SUMF1: variants seen among roughly 807,000 people sequenced by gnomAD.
SUMF1 encodes the protein sulfatase modifying factor 1.
In SUMF1, 48 loss-of-function variants were observed where a neutral mutation model predicts 47.6. The observed-to-expected ratio is 1.01, with a 90% CI of 0.80 to 1.28. SUMF1 has a LOEUF of 1.28. SUMF1 is among the 50% of genes most tolerant of loss of function. The pLI, the probability that SUMF1 is intolerant of heterozygous loss-of-function variation, is 0.00. For missense variants in SUMF1, 571 were observed against 485.4 expected (o/e 1.18, Z -1.66); for synonymous variants, 230 against 192.1 (o/e 1.20, Z -1.63).
chr3:4,237,835 G>A (rs1378681242), intron 8 of SUMF1, among the ~76,000 whole-genome samples: 1 of 152,108 alleles, frequency 6.6e-6, no homozygotes, highest in Non-Finnish European at 1.5e-5. Flanking sequence ...GAAAGTGCAT[G>A]TTTGTTACAT....
intron 7 of SUMF1, among the ~76,000 whole-genome samples, chr3:4,398,241 G>A (rs1403768542): frequency 6.6e-6 from 1 of 152,106 alleles, no homozygotes; most frequent in Non-Finnish European, 1.5e-5. Flanking sequence ...TAAGAAAAGA[G>A]GATTGTGTCT....
At chr3:4,130,675 G>T (rs539719719) in intron 8 of SUMF1, among the ~76,000 whole-genome samples, 1 of 152,200 alleles carries the variant, frequency 6.6e-6, no homozygotes, top group Middle Eastern at 3.4e-3. Context: ...ATCCCCTCTA[G>T]GATGAAGGAT....
Position 4,346,957 on chromosome 3 carries a change from C to T in SUMF1, c.1014+29373G>A, listed in dbSNP as rs149399251. Among the ~76,000 whole-genome samples the T allele has an allele frequency of 3.1e-3, 471 of 152,264 alleles. 3 individuals carry two copies. The highest frequency in any genetic ancestry group is 5.4e-3 in the Non-Finnish European group (368 of 68,020). ...GAAGAAATGGATAAATTCCTGGACA[C>T]ATACACCCAACCAAAACTAAACCAG... On this transcript the variant is annotated intron_variant and NMD_transcript_variant, in intron 8 of 12. Coordinates refer to the SUMF1 transcript ENST00000448413.
intron 8 of SUMF1, among the ~76,000 whole-genome samples, chr3:4,211,311 C>T (rs1574981986): frequency 6.7e-6 from 1 of 148,434 alleles, no homozygotes; most frequent in Non-Finnish European, 1.5e-5. Context: ...TTTCCTGATC[C>T]TCTCCTTCCT....
At chr3:4,069,200 T>C (rs893204407) in intron 8 of SUMF1, among the ~76,000 whole-genome samples, 2 of 152,112 alleles carry the variant, frequency 1.3e-5, no homozygotes, top group African/African-American at 4.8e-5. Flanking sequence ...GTTTATGGCA[T>C]GTAACAGGCA....
chr3:4,079,565 T>G (rs1382524473), intron 8 of SUMF1, among the ~76,000 whole-genome samples: 2 of 151,886 alleles, frequency 1.3e-5, no homozygotes, highest in African/African-American at 4.8e-5. Context: ...GATAGAAACT[T>G]GCTTAAGTTT....
rs766190895 is a variant in SUMF1, at chr3:4,467,189, G to A, written c.57C>T (p.Val19=). The A allele has an allele frequency of 5.6e-6, 9 of 1,610,596 alleles. No individual in the cohort carries two copies. Among genetic ancestry groups the A allele is most frequent in the Non-Finnish European group, 7.6e-6 (9 of 1,179,024 alleles). Residue 19 remains valine, a synonymous_variant, in exon 1 of 9, where the codon GTC becomes GTT. Coordinates refer to ENST00000272902, the MANE Select transcript of SUMF1 (RefSeq NM_182760.4). The part of the protein sequence containing the change: ...VCGRCPELGL[V]LLLLLLSLLC... ...GCAGCGAGAGCAGCAGCAGCAAGAGGACGAGACCCAGCTCAGGGCAACGTC... is the reference window on the plus strand; with the variant it reads ...GCAGCGAGAGCAGCAGCAGCAAGAGAACGAGACCCAGCTCAGGGCAACGTC...
At chr3:4,082,398 G>A (rs1692580454) in intron 8 of SUMF1, among the ~76,000 whole-genome samples, 1 of 152,072 alleles carries the variant, frequency 6.6e-6, no homozygotes, top group Admixed American at 6.5e-5. Context: ...GAGCCTGGGA[G>A]GTCGAGGCTG....
At chr3:4,293,166 G>A (rs1697774126) in intron 8 of SUMF1, among the ~76,000 whole-genome samples, 2 of 152,280 alleles carry the variant, frequency 1.3e-5, no homozygotes, top group Non-Finnish European at 2.9e-5. Flanking sequence ...TGCCTGTTAT[G>A]ACCAATCATT....
chr3:4,089,356 T>C (rs1266449912), intron 8 of SUMF1, among the ~76,000 whole-genome samples: 1 of 152,166 alleles, frequency 6.6e-6, no homozygotes, highest in Non-Finnish European at 1.5e-5. Flanking sequence ...TTTGTAAAAC[T>C]GCTTGCCTAG....
intron 3 of SUMF1, among the ~76,000 whole-genome samples, chr3:4,447,752 A>G (rs1702829764): frequency 1.3e-5 from 2 of 152,220 alleles, no homozygotes; most frequent in African/African-American, 2.4e-5. Context: ...GCAAGTGACC[A>G]ACACTACAAC....
At chr3:4,389,346 TC>T (rs1459766433) in intron 7 of SUMF1, among the ~76,000 whole-genome samples, 1 of 147,336 alleles carries the variant, frequency 6.8e-6, no homozygotes, top group Admixed American at 6.7e-5. Flanking sequence ...TTTTTTTTTT[TC>T]CCTATAGGTA....
At chr3:4,128,728 A>G (rs902971339) in intron 8 of SUMF1, among the ~76,000 whole-genome samples, 3 of 152,154 alleles carry the variant, frequency 2.0e-5, no homozygotes, top group Admixed American at 6.5e-5. Context: ...GAAATTAGAA[A>G]TAATTTATAT....
intron 9 of SUMF1, among the ~76,000 whole-genome samples, chr3:4,034,611 A>G (rs1694759341): frequency 6.6e-6 from 1 of 152,080 alleles, no homozygotes; most frequent in Non-Finnish European, 1.5e-5. Flanking sequence ...AGTTTGAGAA[A>G]CCCTTTGTAG....
At chr3:4,112,014 G>T (rs112422337) in intron 8 of SUMF1, among the ~76,000 whole-genome samples, 4 of 152,130 alleles carry the variant, frequency 2.6e-5, no homozygotes, top group African/African-American at 9.6e-5. Context: ...TGACAGGAAA[G>T]GCATGAGAAA....
At chr3:4,430,539 A>G (rs1702200805) in intron 3 of SUMF1, among the ~76,000 whole-genome samples, 1 of 152,198 alleles carries the variant, frequency 6.6e-6, no homozygotes, top group African/African-American at 2.4e-5. Flanking sequence ...GTAGTTAGGT[A>G]TATGTGGGTA....
chr3:4,166,661 C>T (rs573610455), intron 8 of SUMF1, among the ~76,000 whole-genome samples: 1 of 152,192 alleles, frequency 6.6e-6, no homozygotes, highest in South Asian at 2.1e-4. Flanking sequence ...GGCATTAGGA[C>T]CCAGGAGGCA....
chr3:4,301,011 AAT>A (rs141830481), intron 8 of SUMF1, among the ~76,000 whole-genome samples: 138,738 of 151,622 alleles, frequency 0.92, 63,574 homozygotes, highest in East Asian at 1. Context: ...ACCCTCCACC[AAT>A]ATATATATAT....
At chr3:4,350,261 A>G (rs1699466092) in intron 8 of SUMF1, among the ~76,000 whole-genome samples, 1 of 151,864 alleles carries the variant, frequency 6.6e-6, no homozygotes, top group Non-Finnish European at 1.5e-5. Context: ...TGACCTCGTG[A>G]TCTGCCCACC....
Sources: allele counts gnomAD v4.1 joint callset (sites outside exome capture counted in the v4.1 genomes callset), GRCh38; gene constraint gnomAD v4.1.1; transcripts MANE v1.5; gene names NCBI Gene and HGNC (gene_info 2026-07-23, HGNC 2026-07-21).